Variants in SORBS2 observed in about 807,000 individuals in gnomAD.
SORBS2 encodes sorbin and SH3 domain-containing protein 2.
In SORBS2, 46 loss-of-function variants were observed where a neutral mutation model predicts 97.7. That is an observed-to-expected ratio of 0.47 (90% CI 0.37 to 0.60). The LOEUF is 0.60. Among genes scored for constraint, SORBS2 ranks in the 20% least tolerant of loss-of-function variants. The pLI, the probability that SORBS2 is intolerant of heterozygous loss-of-function variation, is 0.00. For synonymous variants in SORBS2, 476 were observed against 473.4 expected, an observed-to-expected ratio of 1.01 and a Z score of -0.07; for missense variants, 1,316 against 1,282.3, an observed-to-expected ratio of 1.03 and a Z score of -0.40.
chr4:185,864,092 T>C (rs1407549282), intron 1 of SORBS2, among the ~76,000 whole-genome samples: 2 of 152,190 alleles, frequency 1.3e-5, no homozygotes, highest in Non-Finnish European at 2.9e-5. Context: ...AACTCTCTTA[T>C]CAATAAGCAG....
At chr4:185,715,869 T>C (rs1034310954) in intron 2 of SORBS2, among the ~76,000 whole-genome samples, 5 of 152,240 alleles carry the variant, frequency 3.3e-5, no homozygotes, top group African/African-American at 1.2e-4. Flanking sequence ...TAAATGTTGC[T>C]GGAATGTGTA....
Position 185,948,769 on chromosome 4 carries a change from C to T in SORBS2, c.-338+7427G>A, listed in dbSNP as rs546114083. Among the ~76,000 whole-genome samples the T allele has an allele frequency of 1.9e-4, 29 of 152,036 alleles. 1 individual carries two copies. The South Asian group carries it at 3.5e-3, about 19-fold the overall frequency. On this transcript the variant is annotated intron_variant, in intron 1 of 20. Transcript: ENST00000284776. Reference sequence around the variant, plus strand: ...CTGAACTCAGGTGATCCACCCGCCTCGGCCTCCCAAAGTGCTGGGATTACA... The same window carrying T: ...CTGAACTCAGGTGATCCACCCGCCTTGGCCTCCCAAAGTGCTGGGATTACA...
At chr4:185,917,548 A>T in intron 1 of SORBS2, among the ~76,000 whole-genome samples, 1 of 152,300 alleles carries the variant, frequency 6.6e-6, no homozygotes, top group East Asian at 1.9e-4. Flanking sequence ...TTTATAATAA[A>T]ACAGCAAATG....
intron 1 of SORBS2, among the ~76,000 whole-genome samples, chr4:185,835,237 T>A (rs532570166): frequency 6.6e-6 from 1 of 152,244 alleles, no homozygotes; most frequent in South Asian, 2.1e-4. Context: ...AAATTACCCA[T>A]CCTCAGGTAT....
intron 1 of SORBS2, among the ~76,000 whole-genome samples, chr4:185,897,258 C>T (rs1173794066): frequency 6.6e-6 from 1 of 152,198 alleles, no homozygotes. Context: ...CTCTGACCCA[C>T]CTTGTTTGAG....
intron 2 of SORBS2, 141 bp from the exon 12 acceptor site, chr4:185,649,797 T>C (rs2097280883): frequency 4.6e-6 from 2 of 439,410 alleles, no homozygotes; most frequent in Non-Finnish European, 8.0e-6. Context: ...ATGCATACAT[T>C]AGAAGGTAGT....
intron 4 of SORBS2, among the ~76,000 whole-genome samples, chr4:185,675,973 TA>T (rs2097784510): frequency 6.6e-6 from 1 of 152,220 alleles, no homozygotes; most frequent in South Asian, 2.1e-4. Context: ...CTGTACAGTT[TA>T]AAAGTATATC....
intron 1 of SORBS2, among the ~76,000 whole-genome samples, chr4:185,908,334 CAA>C (rs2099252789): frequency 7.5e-6 from 1 of 132,698 alleles, no homozygotes; most frequent in Non-Finnish European, 1.6e-5. Flanking sequence ...TGTATACACA[CAA>C]ATATATATAT....
At chr4:185,800,843 T>G (rs2099126927) in intron 1 of SORBS2, among the ~76,000 whole-genome samples, 1 of 152,228 alleles carries the variant, frequency 6.6e-6, no homozygotes, top group Non-Finnish European at 1.5e-5. Context: ...GATACAGGCA[T>G]GCACTGTGCA....
At chr4:185,912,756 G>A (rs1024208936) in intron 1 of SORBS2, among the ~76,000 whole-genome samples, 13 of 152,082 alleles carry the variant, frequency 8.5e-5, no homozygotes, top group African/African-American at 3.1e-4. Context: ...ATAAAGAAAA[G>A]TAAACTTACA....
At chr4:185,950,211 C>A (rs1364364389) in intron 1 of SORBS2, among the ~76,000 whole-genome samples, 1 of 149,850 alleles carries the variant, frequency 6.7e-6, no homozygotes, top group South Asian at 2.1e-4. Flanking sequence ...GAGATTGTGC[C>A]ATTGCACTCC....
chr4:185,626,963 C>G (rs773751605), exon 6 of SORBS2: 4 of 1,614,118 alleles, frequency 2.5e-6, no homozygotes, highest in Non-Finnish European at 3.4e-6. Context: ...CCGTGGTGGA[C>G]CCACTGCAGG....
chr4:185,642,783 C>G lies in SORBS2; in HGVS notation c.396+3885G>C, dbSNP rs2097147376. Among the ~76,000 whole-genome samples, 4 of 152,152 alleles carry G rather than the reference C, an allele frequency of 2.6e-5. 1 individual carries two copies. Among genetic ancestry groups the G allele is most frequent in the African/African-American group, 9.7e-5 (4 of 41,434 alleles). Reference sequence around the variant, plus strand: ...GAAGATTTTTGTTCAAACAGTACTACCCCCCTGCCTTCTCTGTATCCCAGG... The same window carrying G: ...GAAGATTTTTGTTCAAACAGTACTAGCCCCCTGCCTTCTCTGTATCCCAGG... On this transcript the variant is annotated intron_variant, in intron 4 of 14. Transcript: ENST00000418609.
chr4:185,712,596 T>C (rs2098432345), intron 2 of SORBS2, among the ~76,000 whole-genome samples: 1 of 152,230 alleles, frequency 6.6e-6, no homozygotes, highest in African/African-American at 2.4e-5. Flanking sequence ...AAGCCGCCCG[T>C]GGACAGCAGA....
intron 2 of SORBS2, among the ~76,000 whole-genome samples, chr4:185,720,489 C>T (rs990031452): frequency 2.0e-5 from 3 of 152,130 alleles, no homozygotes; most frequent in Non-Finnish European, 2.9e-5. Flanking sequence ...CATGCAATTG[C>T]TTTCTCTTCC....
At chr4:185,782,094 A>G in intron 1 of SORBS2, among the ~76,000 whole-genome samples, 1 of 152,274 alleles carries the variant, frequency 6.6e-6, no homozygotes. Flanking sequence ...TAAGTAAATG[A>G]TTAAATAAGT....
chr4:185,825,924 A>G (rs527376809), intron 1 of SORBS2, among the ~76,000 whole-genome samples: 11 of 152,304 alleles, frequency 7.2e-5, no homozygotes, highest in African/African-American at 2.6e-4. Context: ...CTCGGTGGCT[A>G]TAGACTATCT....
chr4:185,754,610 G>C (rs1241332464), intron 2 of SORBS2, among the ~76,000 whole-genome samples: 3 of 152,130 alleles, frequency 2.0e-5, no homozygotes, highest in Non-Finnish European at 2.9e-5. Context: ...ACTGTGTACA[G>C]TCGGCCAACT....
rs183389826 is a variant in SORBS2, at chr4:185,719,812, T to A, written c.-197-40990A>T. Among the ~76,000 whole-genome samples, 6 of 152,382 alleles carry A rather than the reference T, an allele frequency of 3.9e-5. No individual in the cohort carries two copies. The East Asian group carries it at 1.2e-3, about 29-fold the overall frequency. ...CTGCTCTAGGGTCTTGTGGGATGGT[T>A]ATTACACATGGCAGAGAAAGCTACG... On this transcript the variant is annotated intron_variant, in intron 2 of 20. Coordinates refer to the SORBS2 transcript ENST00000284776.
Sources: gnomAD v4.1 joint callset for allele counts (sites outside exome capture counted in the v4.1 genomes callset) on GRCh38, gnomAD v4.1.1 for gene constraint, MANE v1.5 for transcripts, NCBI Gene and HGNC (gene_info 2026-07-23, HGNC 2026-07-21) for gene names.